Variants in CENPC observed in about 807,000 individuals in gnomAD.
CENPC encodes centromere protein C.
In CENPC, 63 loss-of-function variants were observed where a neutral mutation model predicts 112.1. The ratio of observed to expected loss-of-function variants is 0.56; its 90% confidence interval spans 0.46 to 0.69. The LOEUF is 0.69. CENPC is among the 30% of genes least tolerant of loss of function. The probability of loss-of-function intolerance (pLI) is 0.00; values close to 1 mark genes in which losing one functional copy is unlikely to be tolerated. For missense variants in CENPC, 1,000 were observed against 1,103.8 expected (o/e 0.91, Z 1.33); for synonymous variants, 333 against 367.6 (o/e 0.91, Z 1.08).
intron 3 of CENPC, among the ~76,000 whole-genome samples, chr4:67,540,759 G>A (rs978458771): frequency 3.3e-5 from 5 of 151,982 alleles, no homozygotes; most frequent in African/African-American, 9.7e-5. Flanking sequence ...TGAACTAAAC[G>A]GGATGACAAA....
chr4:67,480,744 A>G (rs1424232642), intron 17 of CENPC, among the ~76,000 whole-genome samples: 2 of 152,230 alleles, frequency 1.3e-5, no homozygotes, highest in African/African-American at 4.8e-5. Context: ...AAAATCCGGC[A>G]TTGCTTTATG....
intron 17 of CENPC, among the ~76,000 whole-genome samples, chr4:67,487,854 C>CA (rs1183665721): frequency 1.3e-5 from 2 of 151,548 alleles, no homozygotes; most frequent in African/African-American, 4.9e-5. Context: ...TATTCTCTAG[C>CA]AGTGTTTGAA....
Position 67,530,997 on chromosome 4 carries a change from GA to G in CENPC, c.232-84del, listed in dbSNP as rs368866550. On this transcript the variant is annotated intron_variant, in intron 4 of 18. Transcript: ENST00000273853. Reference sequence around the variant, plus strand: ...AATATATTTGTTTTTTAAATGGGGGGAAAAACAAGTATTCTAAAACAACAAA... The same window carrying G: ...AATATATTTGTTTTTTAAATGGGGGGAAAACAAGTATTCTAAAACAACAAA... The G allele has an allele frequency of 1.1e-3, 683 of 602,318 alleles. 6 individuals carry two copies. Among genetic ancestry groups the G allele is most frequent in the African/African-American group, 1.0e-2 (513 of 51,308 alleles). The allele number at this position is 602,318 out of a possible 1,614,324, so 37.3% of individuals were successfully genotyped here. A position where few individuals can be genotyped will look rare whatever the true frequency, so the allele number is the denominator to read the frequency against.
chr4:67,491,480 T>TATATATATATAGAGAG (rs1725270093), intron 16 of CENPC, among the ~76,000 whole-genome samples: 1 of 18,104 alleles, frequency 5.5e-5, no homozygotes, highest in African/African-American at 1.8e-4. Context: ...TATATATATA[T>TATATATATATAGAGAG]AGAGAGAGAG....
chr4:67,487,572 T>G (rs972413413), intron 17 of CENPC, among the ~76,000 whole-genome samples: 2 of 151,792 alleles, frequency 1.3e-5, no homozygotes, highest in African/African-American at 4.9e-5. Flanking sequence ...AGTAGGTTGC[T>G]GTCACCTTTT....
chr4:67,492,254 A>G lies in CENPC; in HGVS notation c.2441T>C (p.Leu814Pro), dbSNP rs1205579563. The G allele has an allele frequency of 6.4e-7, 1 of 1,562,124 alleles. No homozygotes were observed. The highest frequency in any genetic ancestry group is 8.7e-7 in the Non-Finnish European group (1 of 1,150,734). ...CAAAGGATCTCCAAGAGGTATACCTAGATTTACCATTAAGTTAGTCTCTGC... is the reference window on the plus strand; with the variant it reads ...CAAAGGATCTCCAAGAGGTATACCTGGATTTACCATTAAGTTAGTCTCTGC... The part of the protein sequence containing the change: ...DERKTNLMVN[L>P]GIPLGDPLQP... The change falls in exon 16 of 19, where the codon CTA becomes CCA. Residue 814 changes from leucine to proline, a missense_variant. Leu to Pro is a moderately conservative substitution (Grantham distance 98). Coordinates refer to ENST00000273853, the MANE Select transcript of CENPC (RefSeq NM_001812.4).
intron 18 of CENPC, among the ~76,000 whole-genome samples, chr4:67,474,528 C>T (rs62303192): frequency 0.87 from 132,304 of 151,972 alleles, 57,773 homozygotes; most frequent in East Asian, 0.93. Context: ...CAAAATCCCG[C>T]CTCTACTAAA....
intron 1 of CENPC, among the ~76,000 whole-genome samples, chr4:67,545,069 C>A (rs529667480): frequency 3.6e-4 from 55 of 152,118 alleles, no homozygotes; most frequent in African/African-American, 1.3e-3. Flanking sequence ...AAAAAAAAAC[C>A]CAGCAGAAAT....
At chr4:67,514,762 G>C in intron 7 of CENPC, 75 bp from the exon 8 acceptor site, 1 of 1,372,622 alleles carries the variant, frequency 7.3e-7, no homozygotes, top group South Asian at 1.6e-5. Flanking sequence ...AAATAATCTA[G>C]GAAATAAAAT....
intron 12 of CENPC, among the ~76,000 whole-genome samples, chr4:67,501,732 C>T (rs1725596132): frequency 6.6e-6 from 1 of 152,142 alleles, no homozygotes; most frequent in Non-Finnish European, 1.5e-5. Context: ...TGCTGAAATA[C>T]ATTATGGGGC....
intron 15 of CENPC, 68 bp downstream of exon 15, chr4:67,492,801 G>C (rs1309342532): frequency 5.6e-6 from 8 of 1,426,900 alleles, no homozygotes; most frequent in African/African-American, 1.5e-5. Context: ...ATTTTGCAAA[G>C]AGCTTCTTCT....
intron 9 of CENPC, chr4:67,510,660 G>A (rs1725868305): frequency 4.6e-6 from 1 of 219,026 alleles, no homozygotes; most frequent in Admixed American, 5.4e-5. Flanking sequence ...CCCTAGTCCT[G>A]GTCCTACTTT....
chr4:67,499,958 G>A (rs1178434629), intron 12 of CENPC, among the ~76,000 whole-genome samples: 2 of 152,052 alleles, frequency 1.3e-5, no homozygotes, highest in African/African-American at 4.8e-5. Flanking sequence ...AGAAAGATGG[G>A]GAACTGGCCA....
rs1363012141 is a variant in CENPC at position 67,471,915 on chromosome 4, A to G, written c.*690T>C. The G allele has an allele frequency of 3.9e-5, 6 of 152,312 alleles. No individual in the cohort carries two copies. The highest frequency in any genetic ancestry group is 7.3e-5 in the Non-Finnish European group (5 of 68,038). The allele number at this position is 152,312 out of a possible 1,614,324, so 9.4% of individuals were successfully genotyped here. On this transcript the variant is annotated 3_prime_UTR_variant, in exon 19 of 19. Coordinates refer to ENST00000273853, the MANE Select transcript of CENPC (RefSeq NM_001812.4). Reference sequence around the variant, plus strand: ...CATAATGGAAAAACATTTACATGTAATATACTAAATAGATGTCATGCCAAC... The same window carrying G: ...CATAATGGAAAAACATTTACATGTAGTATACTAAATAGATGTCATGCCAAC...
chr4:67,515,023 G>T (rs1477043843), intron 7 of CENPC, among the ~76,000 whole-genome samples: 2 of 133,944 alleles, frequency 1.5e-5, no homozygotes, highest in African/African-American at 5.6e-5. Context: ...CAAAATGAAT[G>T]CCACTATTAT....
chr4:67,479,572 C>T (rs1724898063), intron 17 of CENPC, among the ~76,000 whole-genome samples: 1 of 152,288 alleles, frequency 6.6e-6, no homozygotes, highest in South Asian at 2.1e-4. Flanking sequence ...ACAGCAAAAG[C>T]AGTGCTAACA....
At chr4:67,490,863 TATATATATATATATAGAA>T (rs1241056814) in intron 16 of CENPC, among the ~76,000 whole-genome samples, 7 of 64,120 alleles carry the variant, frequency 1.1e-4, no homozygotes, top group African/African-American at 2.1e-4. Context: ...TATATATATA[TATATATATATATATAGAA>T]ATATATAGAA....
At chr4:67,519,620 C>T in intron 5 of CENPC, 118 bp from the exon 6 acceptor site, 3 of 675,858 alleles carry the variant, frequency 4.4e-6, no homozygotes, top group Non-Finnish European at 7.0e-6. Flanking sequence ...AACTCAAAGT[C>T]ATTAAGATTA....
intron 4 of CENPC, among the ~76,000 whole-genome samples, chr4:67,534,387 G>A (rs914639210): frequency 2.5e-4 from 38 of 152,232 alleles, no homozygotes; most frequent in Non-Finnish European, 7.3e-5. Context: ...CTGCACTCCA[G>A]CCCAGGAGTG....
Sources: allele counts gnomAD v4.1 joint callset (sites outside exome capture counted in the v4.1 genomes callset), GRCh38; gene constraint gnomAD v4.1.1; transcripts MANE v1.5; gene names NCBI Gene and HGNC (gene_info 2026-07-23, HGNC 2026-07-21).